CAMTA1: variants seen among roughly 807,000 people sequenced by gnomAD.
CAMTA1 encodes calmodulin binding transcription activator 1.
A neutral mutation model predicts 170.9 loss-of-function variants in CAMTA1; 27 were observed. That is an observed-to-expected ratio of 0.16 (90% CI 0.12 to 0.22). The LOEUF (loss-of-function observed/expected upper bound fraction) is 0.22. CAMTA1 is among the 10% of genes least tolerant of loss of function. CAMTA1 has a pLI of 1.00. For synonymous variants in CAMTA1, 833 were observed against 891.5 expected, an observed-to-expected ratio of 0.93 and a Z score of 1.17; for missense variants, 1,619 against 2,217.2, an observed-to-expected ratio of 0.73 and a Z score of 5.42.
At chr1:6,909,950 T>C (rs1344104433) in intron 3 of CAMTA1, among the ~76,000 whole-genome samples, 7 of 152,212 alleles carry the variant, frequency 4.6e-5, no homozygotes, top group African/African-American at 1.7e-4. Context: ...GCCCCAAGGG[T>C]GGCCCAGCCT....
At chr1:7,190,401 G>A (rs1014078003) in intron 4 of CAMTA1, among the ~76,000 whole-genome samples, 1 of 152,088 alleles carries the variant, frequency 6.6e-6, no homozygotes, top group Non-Finnish European at 1.5e-5. Context: ...ATTACACGTA[G>A]CATATATAAT....
rs541735856 is a variant in CAMTA1, at chr1:6,802,554, A to G, written c.45+16979A>G. Among the ~76,000 whole-genome samples, 12 of 152,318 alleles carry G rather than the reference A, an allele frequency of 7.9e-5. No individual in the cohort carries two copies. The South Asian group carries it at 2.5e-3, about 32-fold the overall frequency. On this transcript the variant is annotated intron_variant, in intron 1 of 22. Transcript: ENST00000303635. ...CTGTCCCCATCAAACAGTGTAAAAG[A>G]AAAGATATTGACTCCTAAAGGAGTG...
intron 3 of CAMTA1, among the ~76,000 whole-genome samples, chr1:7,025,765 G>A (rs1172323907): frequency 6.6e-6 from 1 of 152,186 alleles, no homozygotes; most frequent in Non-Finnish European, 1.5e-5. Context: ...GGGGCATTGT[G>A]GTTTGAGAAG....
intron 5 of CAMTA1, among the ~76,000 whole-genome samples, chr1:7,402,258 C>T (rs1182120327): frequency 6.6e-6 from 1 of 152,210 alleles, no homozygotes; most frequent in Non-Finnish European, 1.5e-5. Flanking sequence ...CTTTCCTCCA[C>T]CCTCTCACAC....
intron 11 of CAMTA1, among the ~76,000 whole-genome samples, chr1:7,686,900 A>C (rs2096263479): frequency 6.6e-6 from 1 of 152,022 alleles, no homozygotes; most frequent in Admixed American, 6.6e-5. Context: ...GGCTTCAACC[A>C]CCGGAGGAAC....
At chr1:6,867,513 G>A (rs1666996786) in intron 3 of CAMTA1, among the ~76,000 whole-genome samples, 1 of 152,188 alleles carries the variant, frequency 6.6e-6, no homozygotes, top group Admixed American at 6.5e-5. Flanking sequence ...AGGAGAGGGA[G>A]AGAAAGGGAG....
intron 6 of CAMTA1, among the ~76,000 whole-genome samples, chr1:7,590,084 A>C (rs1367112786): frequency 6.6e-6 from 1 of 152,178 alleles, no homozygotes; most frequent in East Asian, 1.9e-4. Flanking sequence ...TTTTCCTGGA[A>C]GTCTCCGCCC....
chr1:6,945,491 G>A (rs1687418230), intron 3 of CAMTA1, among the ~76,000 whole-genome samples: 1 of 152,100 alleles, frequency 6.6e-6, no homozygotes, highest in Non-Finnish European at 1.5e-5. Flanking sequence ...TGGGACCACA[G>A]GTGTGCACCA....
chr1:7,584,902 C>A (rs187369340), intron 6 of CAMTA1, among the ~76,000 whole-genome samples: 1 of 152,120 alleles, frequency 6.6e-6, no homozygotes, highest in East Asian at 1.9e-4. Flanking sequence ...TGGAGTTATC[C>A]GGCCTACGAC....
intron 16 of CAMTA1, among the ~76,000 whole-genome samples, chr1:7,743,819 T>A (rs1346969176): frequency 6.6e-6 from 1 of 151,682 alleles, no homozygotes; most frequent in Non-Finnish European, 1.5e-5. Flanking sequence ...GGATTCTTTT[T>A]TTCTTTTCTT....
intron 3 of CAMTA1, among the ~76,000 whole-genome samples, chr1:7,051,788 G>A (rs961106674): frequency 5.3e-5 from 8 of 152,058 alleles, no homozygotes; most frequent in Non-Finnish European, 1.0e-4. Context: ...AGGTGGTCCC[G>A]TTAAACCCAA....
chr1:7,751,130 A>C (rs1180002423), intron 19 of CAMTA1, 69 bp from the exon 20 acceptor site: 2 of 1,229,614 alleles, frequency 1.6e-6, no homozygotes, highest in African/African-American at 3.0e-5. Context: ...CTTCCCGGTA[A>C]GCTCGAAGGA....
rs189189585 is a variant in CAMTA1, at chr1:7,753,021, G to A, written c.4958+488G>A. Among the ~76,000 whole-genome samples the A allele has an allele frequency of 3.3e-5, 5 of 152,262 alleles. No individual in the cohort carries two copies. The East Asian group carries it at 5.8e-4, about 18-fold the overall frequency. On this transcript the variant is annotated intron_variant, in intron 21 of 22. Coordinates refer to ENST00000303635, the MANE Select transcript of CAMTA1 (RefSeq NM_015215.4). ...GGTGCCCTCTGCTGGTCATGTAATC[G>A]CCAACATGCTCTATTATTAAACTAT...
At chr1:7,551,250 C>G (rs1040717032) in intron 6 of CAMTA1, among the ~76,000 whole-genome samples, 6 of 152,042 alleles carry the variant, frequency 3.9e-5, no homozygotes, top group African/African-American at 1.4e-4. Flanking sequence ...CAGCTGGGCT[C>G]CGGAGGTCGG....
chr1:7,070,567 G>C (rs535757907), intron 3 of CAMTA1, among the ~76,000 whole-genome samples: 6 of 152,122 alleles, frequency 3.9e-5, no homozygotes, highest in Non-Finnish European at 8.8e-5. Flanking sequence ...CTCTCATCAC[G>C]GTGATGCCTG....
In CAMTA1 at chr1:7,663,942, C is replaced by T; in HGVS notation, c.1395C>T (p.Val465=). The change falls in exon 9 of 23, where the codon GTC becomes GTT. Residue 465 remains valine (V), a synonymous_variant. Transcript: ENST00000303635. The stretch of plus-strand genomic sequence containing the variant: ...CCACCAACGTGTCCGAAGAGCTGGT[C>T]CTCTCCACCACCCTCGACGGTGGCC... ...MLPTNVSEEL[V]LSTTLDGGRK... The T allele has an allele frequency of 6.2e-7, 1 of 1,613,958 alleles. No individual in the cohort carries two copies. Among genetic ancestry groups the T allele is most frequent in the Non-Finnish European group, 8.5e-7 (1 of 1,180,052 alleles).
intron 6 of CAMTA1, among the ~76,000 whole-genome samples, chr1:7,632,834 C>G (rs1448265093): frequency 6.6e-6 from 1 of 152,274 alleles, no homozygotes; most frequent in Non-Finnish European, 1.5e-5. Flanking sequence ...TCAACCAACT[C>G]CAAGGGCTGA....
At chr1:7,151,124 C>T (rs1308058836) in intron 4 of CAMTA1, among the ~76,000 whole-genome samples, 1 of 152,248 alleles carries the variant, frequency 6.6e-6, no homozygotes, top group Non-Finnish European at 1.5e-5. Context: ...CTAAGTAGCA[C>T]ACGGTGCTTG....
chr1:7,489,114 A>G (rs550800988), intron 6 of CAMTA1, among the ~76,000 whole-genome samples: 12 of 152,328 alleles, frequency 7.9e-5, no homozygotes, highest in Non-Finnish European at 8.8e-5. Flanking sequence ...GTGGCCTCAC[A>G]TGCAAGAAAA....
Sources: gnomAD v4.1 joint callset for allele counts (sites outside exome capture counted in the v4.1 genomes callset) on GRCh38, gnomAD v4.1.1 for gene constraint, MANE v1.5 for transcripts, NCBI Gene and HGNC (gene_info 2026-07-23, HGNC 2026-07-21) for gene names.